The following LUZP2 variants were observed in gnomAD, a reference collection of about 807,000 sequenced individuals.
LUZP2 encodes leucine zipper protein 2.
LUZP2 carries 52 observed loss-of-function variants against 51.6 expected under a neutral mutation model. The observed-to-expected ratio is 1.01, with a 90% CI of 0.81 to 1.27. The LOEUF is 1.27. LUZP2 is among the 50% of genes most tolerant of loss of function. The pLI is 0.00. For missense variants in LUZP2, 436 were observed against 395.4 expected (o/e 1.10, Z -0.87); for synonymous variants, 154 against 137.3 (o/e 1.12, Z -0.85).
chr11:24,639,709 C>T (rs889590145), intron 1 of LUZP2, among the ~76,000 whole-genome samples: 5 of 151,844 alleles, frequency 3.3e-5, no homozygotes, highest in Non-Finnish European at 7.3e-5. Flanking sequence ...CCTCAGCCTC[C>T]CAAAGTGCTG....
chr11:24,556,645 T>G (rs1851878571), intron 1 of LUZP2, among the ~76,000 whole-genome samples: 1 of 152,194 alleles, frequency 6.6e-6, no homozygotes, highest in African/African-American at 2.4e-5. Context: ...ATGTTCTTCC[T>G]TGAGTAGACT....
At chr11:24,665,948 A>G (rs1380577865) in intron 1 of LUZP2, among the ~76,000 whole-genome samples, 2 of 152,200 alleles carry the variant, frequency 1.3e-5, no homozygotes, top group Non-Finnish European at 1.5e-5. Flanking sequence ...TACTACATGT[A>G]TGTAATTATC....
intron 9 of LUZP2, among the ~76,000 whole-genome samples, chr11:25,028,117 C>T (rs1249019540): frequency 6.6e-6 from 1 of 152,036 alleles, no homozygotes; most frequent in African/African-American, 2.4e-5. Context: ...TTATACGAGA[C>T]ATTTTGATAC....
chr11:25,044,030 TAG>T (rs1372883089), intron 9 of LUZP2, among the ~76,000 whole-genome samples: 11 of 47,342 alleles, frequency 2.3e-4, no homozygotes, highest in East Asian at 7.7e-4. Context: ...CTGATATATA[TAG>T]AGTCTATATA....
chr11:24,861,758 T>C (rs1851749714), intron 5 of LUZP2, among the ~76,000 whole-genome samples: 1 of 152,184 alleles, frequency 6.6e-6, no homozygotes, highest in Non-Finnish European at 1.5e-5. Context: ...GTAATTAACA[T>C]TATTGTTTCC....
intron 4 of LUZP2, among the ~76,000 whole-genome samples, chr11:24,756,119 AG>A (rs1859764716): frequency 6.6e-6 from 1 of 152,140 alleles, no homozygotes; most frequent in Non-Finnish European, 1.5e-5. Flanking sequence ...CTGTAGGCAA[AG>A]CTTAACTGTT....
chr11:24,517,941 T>C (rs1850529802), intron 1 of LUZP2, among the ~76,000 whole-genome samples: 1 of 152,152 alleles, frequency 6.6e-6, no homozygotes, highest in Non-Finnish European at 1.5e-5. Flanking sequence ...TTTTTCATCA[T>C]TTGGTTTTTA....
intron 3 of LUZP2, among the ~76,000 whole-genome samples, chr11:24,734,180 A>G (rs530895158): frequency 6.6e-6 from 1 of 152,004 alleles, no homozygotes. Flanking sequence ...AGACAAGGAC[A>G]GGGAGATCTC....
chr11:24,889,761 G>A (rs1852788843), intron 5 of LUZP2, among the ~76,000 whole-genome samples: 1 of 152,162 alleles, frequency 6.6e-6, no homozygotes, highest in Non-Finnish European at 1.5e-5. Context: ...CTCTGGCAAT[G>A]ACATTTAGCT....
intron 5 of LUZP2, among the ~76,000 whole-genome samples, chr11:24,855,735 A>G (rs1851545463): frequency 1.3e-5 from 2 of 152,216 alleles, no homozygotes; most frequent in Admixed American, 1.3e-4. Flanking sequence ...GGCTATAGTA[A>G]TTAAAACAGC....
At chr11:24,602,383 T>TAC (rs550126763) in intron 1 of LUZP2, among the ~76,000 whole-genome samples, 22 of 43,138 alleles carry the variant, frequency 5.1e-4, no homozygotes, top group African/African-American at 1.1e-3. Flanking sequence ...TGTATATATA[T>TAC]ATATACACAC....
intron 1 of LUZP2, among the ~76,000 whole-genome samples, chr11:24,561,349 T>C (rs957462602): frequency 2.6e-5 from 4 of 152,140 alleles, no homozygotes; most frequent in African/African-American, 9.7e-5. Flanking sequence ...TAATAACTTA[T>C]GAGAAATATT....
intron 1 of LUZP2, among the ~76,000 whole-genome samples, chr11:24,695,578 T>A: frequency 6.6e-6 from 1 of 152,044 alleles, no homozygotes; most frequent in East Asian, 1.9e-4. Context: ...TCTATCTCAC[T>A]GTAATTTTTT....
At chr11:24,679,906 A>G (rs1315382637) in intron 1 of LUZP2, among the ~76,000 whole-genome samples, 1 of 152,214 alleles carries the variant, frequency 6.6e-6, no homozygotes, top group South Asian at 2.1e-4. Flanking sequence ...TCACTGGATA[A>G]CTATTGAATG....
intron 7 of LUZP2, among the ~76,000 whole-genome samples, chr11:24,926,864 A>C (rs2133827372): frequency 6.6e-6 from 1 of 151,834 alleles, no homozygotes; most frequent in Non-Finnish European, 1.5e-5. Context: ...CCAGCAGTGT[A>C]AAAAGTGTTC....
At position 24,497,092 on chromosome 11, in the gene LUZP2, C is replaced by T. The variant is rs1259546370; in HGVS notation, c.-152C>T. 5.0e-5 allele frequency: 28 copies of T among 564,930 alleles called. 1 individual carries two copies. The South Asian group carries it at 1.2e-3, about 24-fold the overall frequency. 35.0% of individuals were successfully genotyped at this position (564,930 alleles called of 1,614,324 possible). A position where few individuals can be genotyped will look rare whatever the true frequency, so the allele number is the denominator to read the frequency against. On this transcript the variant is annotated 5_prime_UTR_variant, in exon 1 of 12. Transcript: ENST00000336930. ...TCCTCGCTCCCAGCGCCTGCCTTCCCCAGGCGTCCGTTCGTGTGCCCGTCT... is the reference window on the plus strand; with the variant it reads ...TCCTCGCTCCCAGCGCCTGCCTTCCTCAGGCGTCCGTTCGTGTGCCCGTCT...
intron 9 of LUZP2, among the ~76,000 whole-genome samples, chr11:25,002,845 C>T (rs1457398947): frequency 6.6e-6 from 1 of 152,042 alleles, no homozygotes; most frequent in Non-Finnish European, 1.5e-5. Context: ...ACCCTGGTTC[C>T]CATTCTACTA....
chr11:24,681,240 C>CA (rs985992786), intron 1 of LUZP2, among the ~76,000 whole-genome samples: 71 of 152,290 alleles, frequency 4.7e-4, no homozygotes, highest in African/African-American at 1.7e-3. Flanking sequence ...CTCGGCCTCC[C>CA]AAAGTGCTGG....
At chr11:25,063,209 A>G (rs568314063) in intron 10 of LUZP2, among the ~76,000 whole-genome samples, 2 of 151,892 alleles carry the variant, frequency 1.3e-5, no homozygotes, top group South Asian at 4.1e-4. Context: ...TGCCATAATT[A>G]ATCTAGAGAT....
Sources: gnomAD v4.1 joint callset for allele counts (sites outside exome capture counted in the v4.1 genomes callset) on GRCh38, gnomAD v4.1.1 for gene constraint, MANE v1.5 for transcripts, NCBI Gene and HGNC (gene_info 2026-07-23, HGNC 2026-07-21) for gene names.